AFG2A: variants seen among roughly 807,000 people sequenced by gnomAD.
The protein encoded by AFG2A is ATPase family gene 2 protein homolog A.
the AFG2A span, among the ~76,000 whole-genome samples, chr4:122,982,945 G>A: frequency 2.3e-5 from 3 of 130,612 alleles, no homozygotes; most frequent in Non-Finnish European, 3.1e-5. Context: ...TTGGCTCACG[G>A]CAACCTCCGC....
chr4:122,940,846 C>T, the AFG2A span, among the ~76,000 whole-genome samples: 1,465 of 151,494 alleles, frequency 9.7e-3, 26 homozygotes, highest in African/African-American at 0.031. Context: ...CAGCTTTCTA[C>T]ATATGGCTAG....
the AFG2A span, among the ~76,000 whole-genome samples, chr4:123,026,540 T>C: frequency 2.6e-5 from 4 of 152,302 alleles, no homozygotes; most frequent in Admixed American, 2.6e-4. Flanking sequence ...TAGCTTAAGT[T>C]ATATGGATTA....
the AFG2A span, among the ~76,000 whole-genome samples, chr4:123,121,908 T>C: frequency 6.6e-6 from 1 of 152,344 alleles, no homozygotes; most frequent in African/African-American, 2.4e-5. Context: ...ATGAGTGTAT[T>C]CAAGATTGAT....
At chr4:123,068,354 G>A in the AFG2A span, among the ~76,000 whole-genome samples, 4 of 152,154 alleles carry the variant, frequency 2.6e-5, no homozygotes, top group African/African-American at 9.7e-5. Context: ...GGCCGTATGG[G>A]TAATAGGAAT....
the AFG2A span, among the ~76,000 whole-genome samples, chr4:123,276,533 AT>A: frequency 0.014 from 2,147 of 152,146 alleles, 46 homozygotes; most frequent in African/African-American, 0.049. Context: ...TGCCTTTGGC[AT>A]CTTCATCATG....
the AFG2A span, among the ~76,000 whole-genome samples, chr4:123,294,889 G>T: frequency 1.3e-5 from 2 of 152,190 alleles, no homozygotes; most frequent in African/African-American, 2.4e-5. Context: ...AGGAGAATTA[G>T]AAGCTAGTCC....
At chr4:123,009,447 G>A in the AFG2A span, among the ~76,000 whole-genome samples, 1 of 152,144 alleles carries the variant, frequency 6.6e-6, no homozygotes, top group Non-Finnish European at 1.5e-5. Context: ...TACATACTGG[G>A]ATATTGTGCC....
At chr4:123,030,202 A>G in the AFG2A span, among the ~76,000 whole-genome samples, 1 of 152,236 alleles carries the variant, frequency 6.6e-6, no homozygotes, top group Non-Finnish European at 1.5e-5. Context: ...AGTCCTCATC[A>G]GATAAGTTTT....
chr4:123,143,068 G>C, the AFG2A span, among the ~76,000 whole-genome samples: 4 of 151,470 alleles, frequency 2.6e-5, no homozygotes, highest in African/African-American at 4.8e-5. Flanking sequence ...CCCTAAACCA[G>C]TAAGTATGTA....
chr4:123,189,671 C>CT, the AFG2A span, among the ~76,000 whole-genome samples: 1 of 152,100 alleles, frequency 6.6e-6, no homozygotes, highest in Non-Finnish European at 1.5e-5. Flanking sequence ...TGACTGCTCT[C>CT]TTTGAGTATT....
the AFG2A span, among the ~76,000 whole-genome samples, chr4:123,310,089 G>C: frequency 1.3e-5 from 2 of 152,188 alleles, no homozygotes; most frequent in Non-Finnish European, 2.9e-5. Context: ...ATTCGCGGTA[G>C]GAGAAAAGAA....
At chr4:123,046,586 AT>A in the AFG2A span, among the ~76,000 whole-genome samples, 175 of 151,980 alleles carry the variant, frequency 1.2e-3, no homozygotes, top group African/African-American at 4.0e-3. Context: ...TACTGATCAA[AT>A]TGGGATAATT....
At chr4:123,124,095 C>G in the AFG2A span, among the ~76,000 whole-genome samples, 1 of 151,812 alleles carries the variant, frequency 6.6e-6, no homozygotes, top group Admixed American at 6.6e-5. Context: ...CCTCAAGGAT[C>G]TAGAACTAGA....
chr4:123,188,567 G>A, the AFG2A span, among the ~76,000 whole-genome samples: 47 of 152,238 alleles, frequency 3.1e-4, 1 homozygote, highest in African/African-American at 1.0e-3. Context: ...TTTTTTGCTA[G>A]TGTGGAACTA....
the AFG2A span, among the ~76,000 whole-genome samples, chr4:123,208,162 A>C: frequency 6.6e-6 from 1 of 152,212 alleles, no homozygotes; most frequent in Non-Finnish European, 1.5e-5. Flanking sequence ...TCGAATATCC[A>C]CAAGGATACT....
At chr4:123,019,900 T>A in the AFG2A span, among the ~76,000 whole-genome samples, 1 of 152,188 alleles carries the variant, frequency 6.6e-6, no homozygotes, top group African/African-American at 2.4e-5. Flanking sequence ...TTGGAAAGAA[T>A]AAACGAATTA....
chr4:123,297,658 G>A, the AFG2A span, among the ~76,000 whole-genome samples: 37 of 151,978 alleles, frequency 2.4e-4, no homozygotes, highest in African/African-American at 7.0e-4. Flanking sequence ...GGCGGAGCTT[G>A]CAGTGAGCCG....
the AFG2A span, among the ~76,000 whole-genome samples, chr4:123,124,412 C>G: frequency 6.6e-6 from 1 of 152,164 alleles, no homozygotes; most frequent in Admixed American, 6.5e-5. Flanking sequence ...ACCTCATGTT[C>G]TAACTCATAG....
At chr4:122,973,795 G>A in the AFG2A span, among the ~76,000 whole-genome samples, 1 of 152,146 alleles carries the variant, frequency 6.6e-6, no homozygotes, top group Non-Finnish European at 1.5e-5. Flanking sequence ...GGCTCAAACA[G>A]TCATTGCGTG....
Sources: allele counts gnomAD v4.1 joint callset (sites outside exome capture counted in the v4.1 genomes callset), GRCh38; gene constraint gnomAD v4.1.1; transcripts MANE v1.5; gene names NCBI Gene and HGNC (gene_info 2026-07-23, HGNC 2026-07-21).